DYNC2I2: variants seen among roughly 807,000 people sequenced by gnomAD.
The protein encoded by DYNC2I2 is dynein 2 intermediate chain 2.
In DYNC2I2, 39 loss-of-function variants were observed where a neutral mutation model predicts 52.0. The observed-to-expected ratio is 0.75, with a 90% confidence interval of 0.58 to 0.98. The LOEUF (loss-of-function observed/expected upper bound fraction) is 0.98. Ranked by LOEUF, DYNC2I2 falls within the 50% of genes least tolerant of loss-of-function variation. The pLI is 0.00. For synonymous variants in DYNC2I2, 359 were observed against 321.1 expected, an observed-to-expected ratio of 1.12 and a Z score of -1.26; for missense variants, 743 against 728.4, an observed-to-expected ratio of 1.02 and a Z score of -0.23.
At chr9:128,677,228 A>G in the DYNC2I2 span, among the ~76,000 whole-genome samples, 3 of 151,854 alleles carry the variant, frequency 2.0e-5, no homozygotes, top group African/African-American at 2.4e-5. Flanking sequence ...AAAAAAAAAA[A>G]AAAGAAAGAA....
intron 1 of DYNC2I2, among the ~76,000 whole-genome samples, chr9:128,649,078 A>C (rs1390622727): frequency 1.3e-5 from 2 of 152,224 alleles, no homozygotes; most frequent in Non-Finnish European, 2.9e-5. Context: ...CCACTGGGAA[A>C]AAGTTCAATA....
At position 128,633,925 on chromosome 9, in the gene DYNC2I2, T is replaced by C; in HGVS notation, c.1430A>G (p.Lys477Arg). The change falls in exon 9 of 9, where the codon AAG becomes AGG. Residue 477 changes from lysine (K) to arginine (R), a missense_variant. Coordinates refer to ENST00000372715, the MANE Select transcript of DYNC2I2 (RefSeq NM_052844.4). ...KSSQKPTVLI[K>R]QTQDESPVYC... ...GACAGGGCTTTCATCCTGGGTTTGCTTGATCAAAACTGTGGGTTTCTGGGA... is the reference window on the plus strand; with the variant it reads ...GACAGGGCTTTCATCCTGGGTTTGCCTGATCAAAACTGTGGGTTTCTGGGA... The C allele has an allele frequency of 6.2e-7, 1 of 1,613,240 alleles. No individual in the cohort carries two copies. Among genetic ancestry groups the C allele is most frequent in the Non-Finnish European group, 8.5e-7 (1 of 1,180,040 alleles).
chr9:128,635,348 A>T, intron 5 of DYNC2I2, 89 bp from the exon 6 acceptor site: 1 of 661,330 alleles, frequency 1.5e-6, no homozygotes, highest in Non-Finnish European at 2.1e-6. Flanking sequence ...CTCTTCCAGG[A>T]AAAAAAAAAA....
At position 128,639,816 on chromosome 9, in the gene DYNC2I2, C is replaced by A. The variant is rs189635029; in HGVS notation, c.435+875G>T. Among the ~76,000 whole-genome samples the A allele has an allele frequency of 2.6e-5, 4 of 151,744 alleles. No homozygotes were observed. In the East Asian group the frequency reaches 7.9e-4, roughly 30 times the overall value. ...GAGTAGCTGGAACAACAGGCGTGCA[C>A]CACCACGCCTGGCTAATTTTTGTAT... is the stretch of plus-strand genomic sequence containing the variant. On this transcript the variant is annotated intron_variant, in intron 2 of 8. Transcript: ENST00000372715.
the DYNC2I2 span, among the ~76,000 whole-genome samples, chr9:128,674,753 A>G: frequency 1.4e-4 from 21 of 152,134 alleles, no homozygotes; most frequent in African/African-American, 5.1e-4. Flanking sequence ...AAAAAAAATA[A>G]AAAATGTCTA....
intron 1 of DYNC2I2, among the ~76,000 whole-genome samples, chr9:128,642,477 A>T (rs1461941567): frequency 2.9e-5 from 3 of 103,616 alleles, no homozygotes; most frequent in Admixed American, 1.0e-4. Flanking sequence ...AAAAAAAAAA[A>T]TTACTTATTG....
At chr9:128,649,313 G>C (rs1860679711) in intron 1 of DYNC2I2, among the ~76,000 whole-genome samples, 1 of 152,112 alleles carries the variant, frequency 6.6e-6, no homozygotes, top group African/African-American at 2.4e-5. Flanking sequence ...GCGCGATGGT[G>C]TGCACCTGTA....
At chr9:128,663,458 ACAGG>A in the DYNC2I2 span, 5 of 1,146 alleles carry the variant, frequency 4.4e-3, no homozygotes, top group African/African-American at 5.5e-3. Context: ...TGACAAAGAC[ACAGG>A]CTGGGCTGGG....
the DYNC2I2 span, among the ~76,000 whole-genome samples, chr9:128,673,930 T>A: frequency 6.8e-6 from 1 of 147,214 alleles, no homozygotes; most frequent in African/African-American, 2.5e-5. Flanking sequence ...TGCCTCACCC[T>A]CCCGAGTAAC....
intron 1 of DYNC2I2, among the ~76,000 whole-genome samples, chr9:128,645,017 T>C (rs1254153651): frequency 6.6e-6 from 1 of 152,106 alleles, no homozygotes; most frequent in Non-Finnish European, 1.5e-5. Flanking sequence ...TCTCTCTCTC[T>C]CCTTGGGCCT....
the DYNC2I2 span, among the ~76,000 whole-genome samples, chr9:128,678,057 G>GTTTTC: frequency 8.0e-5 from 12 of 150,744 alleles, no homozygotes; most frequent in Non-Finnish European, 1.0e-4. Flanking sequence ...CTTAGCTGCA[G>GTTTTC]TTTTCTTTTC....
At position 128,634,842 on chromosome 9, in the gene DYNC2I2, G is replaced by A. The variant is rs587777092; in HGVS notation, c.1061C>T (p.Thr354Met). ...ACACTTGAGCGGGAAGCCGCCTTCC[G>A]TGCCCAGAATGAACAGCCTAGGGTC... ...SFDPRLFILG[T>M]EGGFPLKCSL... is the part of the protein sequence containing the mutation. The change falls in exon 7 of 9, where the codon ACG becomes ATG. Residue 354 changes from threonine (T) to methionine (M), a missense_variant. Physicochemically the swap from Thr to Met is moderately conservative, Grantham distance 81 (BLOSUM62 -1). Coordinates refer to ENST00000372715, the MANE Select transcript of DYNC2I2 (RefSeq NM_052844.4). The A allele has an allele frequency of 1.2e-5, 20 of 1,613,432 alleles. No homozygotes were observed. Among genetic ancestry groups the A allele is most frequent in the South Asian group, 2.2e-5 (2 of 91,064 alleles).
chr9:128,634,815 G>C lies in DYNC2I2; in HGVS notation c.1088C>G (p.Ser363Cys). 6.2e-7 allele frequency: 1 copy of C among 1,613,248 alleles called. No homozygotes were observed. Among genetic ancestry groups the C allele is most frequent in the South Asian group, 1.1e-5 (1 of 91,008 alleles). The change falls in exon 7 of 9, where the codon TCC (serine) becomes TGC (cysteine). Residue 363 changes from serine to cysteine, a missense_variant. Coordinates refer to ENST00000372715, the MANE Select transcript of DYNC2I2 (RefSeq NM_052844.4). Reference sequence around the variant, plus strand: ...GAGGGCTGCCTCTCCAGCTGCCAGGGAACACTTGAGCGGGAAGCCGCCTTC... The same window carrying C: ...GAGGGCTGCCTCTCCAGCTGCCAGGCAACACTTGAGCGGGAAGCCGCCTTC... ...GTEGGFPLKC[S>C]LAAGEAALTR...
At chr9:128,679,477 T>C in the DYNC2I2 span, among the ~76,000 whole-genome samples, 1 of 152,120 alleles carries the variant, frequency 6.6e-6, no homozygotes, top group South Asian at 2.1e-4. Context: ...AATTAATTAC[T>C]TTTTGAGGCA....
intron 1 of DYNC2I2, among the ~76,000 whole-genome samples, chr9:128,649,810 T>C (rs573595657): frequency 0.19 from 5,612 of 28,852 alleles, 949 homozygotes; most frequent in Non-Finnish European, 0.48. Flanking sequence ...CTAACCAACA[T>C]GGTGAAACCC....
At chr9:128,673,101 C>T in the DYNC2I2 span, among the ~76,000 whole-genome samples, 6 of 152,166 alleles carry the variant, frequency 3.9e-5, no homozygotes, top group Non-Finnish European at 8.8e-5. Flanking sequence ...AGGAAACAAT[C>T]ATGTATATGT....
Position 128,636,503 on chromosome 9 carries a change from C to G in DYNC2I2, c.546-65G>C. ...GGGGCTCCTATCACCCACCCCACCTCTCTCCCCACTAGCCCCGGACACACT... is the reference window on the plus strand; with the variant it reads ...GGGGCTCCTATCACCCACCCCACCTGTCTCCCCACTAGCCCCGGACACACT... On this transcript the variant is annotated intron_variant, in intron 3 of 8. Transcript: ENST00000372715. 12 of 1,523,512 alleles carry G rather than the reference C, an allele frequency of 7.9e-6. No individual in the cohort carries two copies. In the South Asian group the frequency reaches 1.4e-4, roughly 18 times the overall value. The allele number at this position is 1,523,512 out of a possible 1,614,324, so 94.4% of individuals were successfully genotyped here. A position where few individuals can be genotyped will look rare whatever the true frequency, so the allele number is the denominator to read the frequency against.
At chr9:128,653,702 C>T (rs1482256303) in intron 1 of DYNC2I2, among the ~76,000 whole-genome samples, 3 of 145,930 alleles carry the variant, frequency 2.1e-5, no homozygotes, top group Non-Finnish European at 2.9e-5. Flanking sequence ...GGCCACAGAG[C>T]GAGACTCTGT....
chr9:128,658,125 TAAA>T (rs898804673), upstream of DYNC2I2, among the ~76,000 whole-genome samples: 1 of 148,694 alleles, frequency 6.7e-6, no homozygotes, highest in African/African-American at 2.5e-5. Context: ...AACAAAATAA[TAAA>T]AAAATTCTAA....
Sources: gnomAD v4.1 joint callset for allele counts (sites outside exome capture counted in the v4.1 genomes callset) on GRCh38, gnomAD v4.1.1 for gene constraint, MANE v1.5 for transcripts, NCBI Gene and HGNC (gene_info 2026-07-23, HGNC 2026-07-21) for gene names.